Variants in SMIM31 observed in about 807,000 individuals in gnomAD.
SMIM31 encodes human epithelial cell program regulator.
At chr4:164,768,710 A>G (rs929499338) in intron 1 of SMIM31, among the ~76,000 whole-genome samples, 1 of 152,012 alleles carries the variant, frequency 6.6e-6, no homozygotes, top group Admixed American at 6.6e-5. Context: ...GCACTTAAAA[A>G]CCACTAGATG....
chr4:164,769,768 A>G (rs1579063875), intron 1 of SMIM31, among the ~76,000 whole-genome samples: 1 of 151,776 alleles, frequency 6.6e-6, no homozygotes, highest in African/African-American at 2.4e-5. Flanking sequence ...CTCCTCTCCA[A>G]TCAATCCACA....
chr4:164,779,883 G>T (rs547900918), intron 2 of SMIM31, among the ~76,000 whole-genome samples: 1 of 152,126 alleles, frequency 6.6e-6, no homozygotes, highest in Non-Finnish European at 1.5e-5. Context: ...TTGAGAACAG[G>T]CAACAAACTG....
intron 2 of SMIM31, among the ~76,000 whole-genome samples, chr4:164,776,477 A>G (rs529472928): frequency 1.3e-5 from 2 of 152,322 alleles, no homozygotes; most frequent in Admixed American, 1.3e-4. Flanking sequence ...GTCTCAGAGG[A>G]GAGGTAATAC....
At chr4:164,795,130 G>A (rs191287684) in intron 2 of SMIM31, among the ~76,000 whole-genome samples, 4 of 152,164 alleles carry the variant, frequency 2.6e-5, no homozygotes, top group Admixed American at 2.6e-4. Flanking sequence ...TTTAATGAAG[G>A]CAACATTGTA....
At chr4:164,790,892 C>T (rs763281523) in intron 2 of SMIM31, among the ~76,000 whole-genome samples, 14 of 152,012 alleles carry the variant, frequency 9.2e-5, no homozygotes, top group Admixed American at 3.9e-4. Context: ...AAGAAAAATA[C>T]GTATGGTCAA....
chr4:164,762,249 T>A (rs571635795), intron 1 of SMIM31, among the ~76,000 whole-genome samples: 23 of 152,038 alleles, frequency 1.5e-4, no homozygotes, highest in Non-Finnish European at 3.2e-4. Context: ...AACAGAATAA[T>A]CTCTGCAAAA....
intron 1 of SMIM31, among the ~76,000 whole-genome samples, chr4:164,761,433 C>G (rs115823627): frequency 9.9e-5 from 15 of 152,198 alleles, no homozygotes; most frequent in African/African-American, 3.6e-4. Flanking sequence ...CCCTTTGAAA[C>G]CTAGCAAAAT....
chr4:164,780,023 C>T (rs979504559), intron 2 of SMIM31, among the ~76,000 whole-genome samples: 1 of 152,178 alleles, frequency 6.6e-6, no homozygotes, highest in Non-Finnish European at 1.5e-5. Flanking sequence ...AAACTAATTT[C>T]ACACCAGCCA....
chr4:164,755,244 C>T (rs1191830779), intron 1 of SMIM31, among the ~76,000 whole-genome samples: 1 of 151,264 alleles, frequency 6.6e-6, no homozygotes, highest in African/African-American at 2.4e-5. Flanking sequence ...CTTTGGGAGG[C>T]CAAGGCAGGA....
In SMIM31 at chr4:164,785,546, A is replaced by AAT. The variant is rs1579070914; in HGVS notation, c.112+14996_112+14997dup. Among the ~76,000 whole-genome samples the AAT allele has an allele frequency of 2.6e-5, 4 of 152,024 alleles. No individual in the cohort carries two copies. The East Asian group carries it at 7.7e-4, about 29-fold the overall frequency. On this transcript the variant is annotated intron_variant, in intron 2 of 2. Coordinates refer to ENST00000507311, the MANE Select transcript of SMIM31 (RefSeq NM_001352885.1). ...TAAGGAATTATTTATGTAGGTACCA[A>AAT]ATATATTTTCTTTGTTATTGAAATG...
intron 2 of SMIM31, among the ~76,000 whole-genome samples, chr4:164,792,123 A>C (rs1344378230): frequency 3.3e-5 from 5 of 152,226 alleles, no homozygotes; most frequent in African/African-American, 1.2e-4. Context: ...TGCAACTTCT[A>C]ATTTAGTAGA....
chr4:164,773,722 C>G (rs1252145232), intron 2 of SMIM31, among the ~76,000 whole-genome samples: 1 of 152,154 alleles, frequency 6.6e-6, no homozygotes, highest in East Asian at 1.9e-4. Flanking sequence ...TCCATTCCCT[C>G]ATCCATGTTT....
At position 164,779,196 on chromosome 4, in the gene SMIM31, T is replaced by A. The variant is rs1404726324; in HGVS notation, c.112+8641T>A. On this transcript the variant is annotated intron_variant, in intron 2 of 2. Transcript: ENST00000507311. ...GAATGTCATGAAGACTGTGTTCATT[T>A]CTAATTCTTCAGTAATTAGAGGTGG... Among the ~76,000 whole-genome samples the A allele has an allele frequency of 2.6e-5, 4 of 152,318 alleles. No homozygotes were observed. In the East Asian group the frequency reaches 7.7e-4, roughly 29 times the overall value.
At chr4:164,771,900 A>G (rs1307691505) in intron 2 of SMIM31, among the ~76,000 whole-genome samples, 1 of 152,190 alleles carries the variant, frequency 6.6e-6, no homozygotes, top group Non-Finnish European at 1.5e-5. Flanking sequence ...TTAAAATGAA[A>G]TTACTTAGCT....
At chr4:164,772,779 C>T (rs146589041) in intron 2 of SMIM31, among the ~76,000 whole-genome samples, 2,961 of 151,314 alleles carry the variant, frequency 0.02, 34 homozygotes, top group Non-Finnish European at 0.033. Flanking sequence ...GGGGTTTCAC[C>T]GTGTTAGCCG....
At chr4:164,763,623 A>C (rs1475967067) in intron 1 of SMIM31, among the ~76,000 whole-genome samples, 1 of 152,236 alleles carries the variant, frequency 6.6e-6, no homozygotes, top group Non-Finnish European at 1.5e-5. Context: ...AAAGTTCTTT[A>C]TTTCACATGT....
chr4:164,799,444 AT>A (rs35471761), intron 2 of SMIM31, among the ~76,000 whole-genome samples: 6 of 151,494 alleles, frequency 4.0e-5, no homozygotes, highest in Admixed American at 2.6e-4. Flanking sequence ...AGTCTGAGGG[AT>A]TTTTTTTTAA....
At chr4:164,790,965 C>G (rs993316216) in intron 2 of SMIM31, among the ~76,000 whole-genome samples, 1 of 152,180 alleles carries the variant, frequency 6.6e-6, no homozygotes, top group Non-Finnish European at 1.5e-5. Context: ...ATTTGCAGAT[C>G]TGTGGAATCT....
At chr4:164,757,531 T>C (rs999934654) in intron 1 of SMIM31, among the ~76,000 whole-genome samples, 13 of 152,000 alleles carry the variant, frequency 8.6e-5, no homozygotes, top group African/African-American at 3.1e-4. Context: ...CTTTTTTTTT[T>C]AGAAGTCTTA....
Sources: gnomAD v4.1 joint callset for allele counts (sites outside exome capture counted in the v4.1 genomes callset) on GRCh38, gnomAD v4.1.1 for gene constraint, MANE v1.5 for transcripts, NCBI Gene and HGNC (gene_info 2026-07-23, HGNC 2026-07-21) for gene names.